The following ITPA variants were observed in gnomAD, a reference collection of about 807,000 sequenced individuals.
ITPA encodes the protein inosine triphosphate pyrophosphatase.
ITPA carries 29 observed loss-of-function variants against 29.6 expected under a neutral mutation model. The observed-to-expected ratio is 0.98, with a 90% CI of 0.73 to 1.34. ITPA has a LOEUF of 1.34. Ranked by LOEUF, ITPA falls within the 40% of genes most tolerant of loss-of-function variation. The pLI, the probability that ITPA is intolerant of heterozygous loss-of-function variation, is 0.00. For missense variants in ITPA, 241 were observed against 251.5 expected (o/e 0.96, Z 0.28); for synonymous variants, 103 against 99.3 (o/e 1.04, Z -0.22).
At chr20:3,212,129 C>G (rs570856284) in intron 1 of ITPA, among the ~76,000 whole-genome samples, 36 of 151,694 alleles carry the variant, frequency 2.4e-4, no homozygotes, top group Non-Finnish European at 4.0e-4. Flanking sequence ...TGTGTTTGTG[C>G]CACTGTACTC....
intron 7 of ITPA, 109 bp downstream of exon 7, chr20:3,222,026 C>T (rs764933894): frequency 1.2e-4 from 131 of 1,058,338 alleles, no homozygotes; most frequent in Non-Finnish European, 1.7e-4. Context: ...GCAGGGGAGG[C>T]TCCCAGGGTG....
At chr20:3,217,905 G>GTT (rs372604621) in intron 5 of ITPA, among the ~76,000 whole-genome samples, 24,454 of 145,930 alleles carry the variant, frequency 0.17, 2,113 homozygotes, top group African/African-American at 0.19. Flanking sequence ...AGTTTTTGTG[G>GTT]GTTTTTTTTT....
Position 3,218,282 on chromosome 20 carries a change from A to T in ITPA, c.296-235A>T, listed in dbSNP as rs1037144284. ...CCACACTGCATTGGCTAGTTTTCTGACTTTAAATAAAGCCTTGTATCGTCA... is the reference window on the plus strand; with the variant it reads ...CCACACTGCATTGGCTAGTTTTCTGTCTTTAAATAAAGCCTTGTATCGTCA... On this transcript the variant is annotated intron_variant, in intron 5 of 7. Coordinates refer to ENST00000380113, the MANE Select transcript of ITPA (RefSeq NM_033453.4). Among the ~76,000 whole-genome samples the T allele has an allele frequency of 4.6e-5, 7 of 152,278 alleles. No homozygotes were observed. In the East Asian group the frequency reaches 1.2e-3, roughly 25 times the overall value.
Position 3,218,572 on chromosome 20 carries a change from G to A in ITPA, c.351G>A (p.Thr117=). The A allele has an allele frequency of 1.2e-6, 2 of 1,613,940 alleles. No individual in the cohort carries two copies. Among genetic ancestry groups the A allele is most frequent in the East Asian group, 2.2e-5 (1 of 44,876 alleles). The change falls in exon 6 of 8, where the codon ACG becomes ACA. Residue 117 remains threonine (T), a synonymous_variant. Transcript: ENST00000380113. ...FEDKSAYALC[T]FALSTGDPSQ... is the part of the protein sequence containing the mutation. ...ACAAGTCAGCCTATGCGCTCTGCAC[G>A]TTTGCACTCAGCACCGGGGACCCAA...
At position 3,209,912 on chromosome 20, in the gene ITPA, C is replaced by A. The variant is rs1056454139; in HGVS notation, c.66+295C>A. On this transcript the variant is annotated intron_variant, in intron 1 of 7. Coordinates refer to ENST00000380113, the MANE Select transcript of ITPA (RefSeq NM_033453.4). The surrounding 1 kb of genome is among the most constrained non-coding windows in gnomAD (Gnocchi z 4.6). ...GGAGTAGCGGGGCTCTTAACAACCG[C>A]CCCGAAGGTCACCTATTGAAGTAGA... 6.6e-6 allele frequency among the ~76,000 whole-genome samples: 1 copy of A among 152,116 alleles called. No homozygotes were observed. Among genetic ancestry groups the A allele is most frequent in the African/African-American group, 2.4e-5 (1 of 41,426 alleles).
chr20:3,206,347 T>G (rs1289863782), upstream of ITPA, among the ~76,000 whole-genome samples: 1 of 126,218 alleles, frequency 7.9e-6, no homozygotes, highest in Non-Finnish European at 1.6e-5. Context: ...GAGATCACAC[T>G]ATTGCACTCC....
chr20:3,212,502 G>A (rs2067197052), intron 1 of ITPA, among the ~76,000 whole-genome samples: 1 of 151,952 alleles, frequency 6.6e-6, no homozygotes. Flanking sequence ...TGTATTTTTT[G>A]TAAAGATGGG....
At chr20:3,213,265 GATTTCT>G (rs1443713578) in intron 2 of ITPA, 39 bp downstream of exon 2, 2 of 1,614,060 alleles carry the variant, frequency 1.2e-6, no homozygotes, top group Admixed American at 1.7e-5. Context: ...AAGATGGTTG[GATTTCT>G]CTGTCTTCCT....
Position 3,221,921 on chromosome 20 carries a change from AGG to A in ITPA, c.488+5_488+6del. 6.2e-7 allele frequency: 1 copy of A among 1,613,570 alleles called. No homozygotes were observed. The highest frequency in any genetic ancestry group is 1.1e-5 in the South Asian group (1 of 91,078). The stretch of plus-strand genomic sequence containing the variant: ...AGCCTGATGGATATGAGCAGACGTA[AGG>A]AGCCCTGCTTTTCTTCCCTGGGGTG... On this transcript the variant is annotated splice_donor_5th_base_variant and intron_variant, in intron 7 of 7. Transcript: ENST00000380113.
chr20:3,209,246 A>C (rs1600487069), upstream of ITPA: 3 of 441,562 alleles, frequency 6.8e-6, no homozygotes, highest in Non-Finnish European at 1.2e-5. This position sits in a 1 kb window ranked among gnomAD's most constrained non-coding sequence, Gnocchi z 4.6. Context: ...ATTGCAGAGA[A>C]GAGCGAAAGC....
chr20:3,213,407 C>T (rs754257362), intron 3 of ITPA, 24 bp downstream of exon 3: 2 of 1,613,270 alleles, frequency 1.2e-6, no homozygotes, highest in Non-Finnish European at 1.7e-6. Context: ...CCTTGTCCCA[C>T]ACTTGCTCTT....
At position 3,209,696 on chromosome 20, in the gene ITPA, AC is replaced by A; in HGVS notation, c.66+80del. On this transcript the variant is annotated intron_variant, in intron 1 of 7. Coordinates refer to ENST00000380113, the MANE Select transcript of ITPA (RefSeq NM_033453.4). The surrounding 1 kb of genome is among the most constrained non-coding windows in gnomAD (Gnocchi z 4.6). ...AAGGGGCTTCCGGGAGGAGGGAAGC[AC>A]GTGGGAGGAGGCATGGAGAGAGAAC... 1 of 1,163,390 alleles carries A rather than the reference AC, an allele frequency of 8.6e-7. No individual in the cohort carries two copies. The highest frequency in any genetic ancestry group is 1.3e-5 in the South Asian group (1 of 79,360). The allele number at this position is 1,163,390 out of a possible 1,614,324, so 72.1% of individuals were successfully genotyped here. A position where few individuals can be genotyped will look rare whatever the true frequency, so the allele number is the denominator to read the frequency against.
upstream of ITPA, chr20:3,204,771 T>C: frequency 1.4e-6 from 1 of 732,906 alleles, no homozygotes; most frequent in Non-Finnish European, 2.2e-6. Flanking sequence ...ATGTCAGACA[T>C]TAAAATGAGT....
At chr20:3,214,184 C>T (rs780700851) in intron 4 of ITPA, 126 bp downstream of exon 4, 37 of 820,350 alleles carry the variant, frequency 4.5e-5, no homozygotes, top group Middle Eastern at 2.2e-4. Flanking sequence ...CACGTTGTCC[C>T]GAGGAAAGAC....
chr20:3,222,271 G>A (rs1313250362), intron 7 of ITPA, among the ~76,000 whole-genome samples: 1 of 149,118 alleles, frequency 6.7e-6, no homozygotes, highest in Non-Finnish European at 1.5e-5. Flanking sequence ...TGCCCAGGCT[G>A]GAGTGCAACG....
At chr20:3,214,087 G>C (rs2067236369) in intron 4 of ITPA, 29 bp downstream of exon 4, 14 of 1,608,348 alleles carry the variant, frequency 8.7e-6, no homozygotes, top group Non-Finnish European at 1.1e-5. Flanking sequence ...CCCCTTACAG[G>C]GCGTCAGGCC....
rs777986111 is a variant in ITPA at position 3,221,928 on chromosome 20, C to G, written c.488+11C>G. On this transcript the variant is annotated intron_variant, in intron 7 of 7. Coordinates refer to ENST00000380113, the MANE Select transcript of ITPA (RefSeq NM_033453.4). Reference sequence around the variant, plus strand: ...TGGATATGAGCAGACGTAAGGAGCCCTGCTTTTCTTCCCTGGGGTGTGGGG... The same window carrying G: ...TGGATATGAGCAGACGTAAGGAGCCGTGCTTTTCTTCCCTGGGGTGTGGGG... The G allele has an allele frequency of 5.2e-5, 84 of 1,612,826 alleles. No individual in the cohort carries two copies. The highest frequency in any genetic ancestry group is 6.9e-5 in the Non-Finnish European group (81 of 1,179,596).
chr20:3,207,030 TAAAAG>T (rs2067076120), upstream of ITPA, among the ~76,000 whole-genome samples: 1 of 151,804 alleles, frequency 6.6e-6, no homozygotes, highest in African/African-American at 2.4e-5. Context: ...AATAAATAAA[TAAAAG>T]AATGAAAAAG....
Position 3,223,413 on chromosome 20 carries a change from T to C in ITPA, c.536T>C (p.Phe179Ser). ...GAGAAGAACGCTGTCTCCCATCGCT[T>C]CCGGGCCCTGCTGGAGCTGCAGGAG... The part of the protein sequence containing the change: ...KAEKNAVSHR[F>S]RALLELQEYF... Residue 179 changes from phenylalanine to serine, a missense_variant, in exon 8 of 8, where the codon TTC becomes TCC. Physicochemically the swap from Phe to Ser is radical, Grantham distance 155. Transcript: ENST00000380113. 1 of 1,613,960 alleles carries C rather than the reference T, an allele frequency of 6.2e-7. No individual in the cohort carries two copies. Among genetic ancestry groups the C allele is most frequent in the Non-Finnish European group, 8.5e-7 (1 of 1,180,012 alleles).
Sources: allele counts gnomAD v4.1 joint callset (sites outside exome capture counted in the v4.1 genomes callset), GRCh38; gene constraint gnomAD v4.1.1; non-coding constraint Gnocchi (gnomAD v3.1); transcripts MANE v1.5; gene names NCBI Gene and HGNC (gene_info 2026-07-23, HGNC 2026-07-21).